ROBO2: variants seen among roughly 807,000 people sequenced by gnomAD.
The protein encoded by ROBO2 is roundabout guidance receptor 2.
ROBO2 carries 53 observed loss-of-function variants against 160.8 expected under a neutral mutation model. That is an observed-to-expected ratio of 0.33 (90% CI 0.26 to 0.41). The LOEUF (loss-of-function observed/expected upper bound fraction) is 0.41, where lower values mean the gene tolerates loss of function less well. Ranked by LOEUF, ROBO2 falls within the 10% of genes least tolerant of loss-of-function variation. ROBO2 has a pLI of 1.00. For synonymous variants in ROBO2, 664 were observed against 611.7 expected (o/e 1.09, Z -1.26); for missense variants, 1,577 against 1,722.4 (o/e 0.92, Z 1.49).
intron 2 of ROBO2, among the ~76,000 whole-genome samples, chr3:77,258,128 A>G (rs1286585929): frequency 6.6e-6 from 1 of 152,246 alleles, no homozygotes; most frequent in Non-Finnish European, 1.5e-5. Context: ...TAAAGTGTCA[A>G]CGTGTCAGAG....
intron 2 of ROBO2, among the ~76,000 whole-genome samples, chr3:77,294,268 G>T (rs758199977): frequency 2.3e-5 from 3 of 132,498 alleles, no homozygotes; most frequent in Non-Finnish European, 4.9e-5. Flanking sequence ...TAAACGGGAA[G>T]TTGAGGCTAG....
chr3:76,064,455 A>G (rs1257744044), intron 2 of ROBO2, among the ~76,000 whole-genome samples: 1 of 152,118 alleles, frequency 6.6e-6, no homozygotes, highest in Non-Finnish European at 1.5e-5. Context: ...CCTCTGGGCC[A>G]AGCTACTAGG....
At chr3:75,996,271 A>G (rs1294703043) in intron 2 of ROBO2, among the ~76,000 whole-genome samples, 1 of 152,164 alleles carries the variant, frequency 6.6e-6, no homozygotes, top group East Asian at 1.9e-4. Context: ...AGGCAATTGA[A>G]TCATGTGGGA....
At chr3:77,276,159 T>G (rs2059809364) in intron 2 of ROBO2, among the ~76,000 whole-genome samples, 1 of 151,968 alleles carries the variant, frequency 6.6e-6, no homozygotes, top group Admixed American at 6.6e-5. Context: ...ATTGTATCCA[T>G]GCTTTCCTTT....
intron 2 of ROBO2, among the ~76,000 whole-genome samples, chr3:76,762,625 C>T (rs2061370629): frequency 6.6e-6 from 1 of 151,604 alleles, no homozygotes; most frequent in Non-Finnish European, 1.5e-5. Flanking sequence ...AACATTTTCT[C>T]AGTGTTTAAT....
In ROBO2 at chr3:76,000,562, C is replaced by T. The variant is rs1394891836; in HGVS notation, c.109+62960C>T. On this transcript the variant is annotated intron_variant, in intron 2 of 26. Coordinates refer to the ROBO2 transcript ENST00000487694. ...GGAGTGAAGTGGTGTGATCTCGGCT[C>T]ACTGCAAGCTCCGCCTCCCGGGTTC... is the stretch of plus-strand genomic sequence containing the variant. Among the ~76,000 whole-genome samples the T allele has an allele frequency of 2.1e-5, 3 of 146,256 alleles. No homozygotes were observed. In the Admixed American group the frequency reaches 2.1e-4, roughly 10 times the overall value.
chr3:77,477,707 G>T (rs1374393046), intron 3 of ROBO2, 136 bp downstream of exon 3: 2 of 942,458 alleles, frequency 2.1e-6, no homozygotes, highest in African/African-American at 3.3e-5. Flanking sequence ...GCCTTGAAAA[G>T]ATTTAAAAAC....
chr3:76,869,913 C>T (rs1335121164), intron 2 of ROBO2, among the ~76,000 whole-genome samples: 1 of 152,110 alleles, frequency 6.6e-6, no homozygotes, highest in Non-Finnish European at 1.5e-5. Flanking sequence ...CATCCTCCCA[C>T]TCAGACTTCA....
intron 2 of ROBO2, among the ~76,000 whole-genome samples, chr3:76,015,082 G>T (rs1050771038): frequency 3.3e-5 from 5 of 151,984 alleles, no homozygotes; most frequent in Non-Finnish European, 7.4e-5. Context: ...CCAGTCTTCG[G>T]CTCCTTTTCC....
chr3:76,776,110 C>A (rs2062234718), intron 2 of ROBO2, among the ~76,000 whole-genome samples: 1 of 150,848 alleles, frequency 6.6e-6, no homozygotes, highest in Admixed American at 6.6e-5. Flanking sequence ...TATGCCTTGA[C>A]AGAACATACA....
chr3:76,938,412 C>T (rs2077892047), intron 2 of ROBO2, among the ~76,000 whole-genome samples: 1 of 151,200 alleles, frequency 6.6e-6, no homozygotes, highest in South Asian at 2.1e-4. Context: ...GTCTTTACTC[C>T]TACACTGGCC....
chr3:76,254,450 C>T (rs1025089306), intron 2 of ROBO2, among the ~76,000 whole-genome samples: 2 of 152,038 alleles, frequency 1.3e-5, no homozygotes, highest in Admixed American at 6.6e-5. Flanking sequence ...ATTTTTCCAG[C>T]GTGTAAATGC....
chr3:76,807,301 A>G (rs2064806826), intron 2 of ROBO2, among the ~76,000 whole-genome samples: 1 of 152,060 alleles, frequency 6.6e-6, no homozygotes, highest in South Asian at 2.1e-4. Context: ...GGACCCTGTA[A>G]CAAATTAGTT....
chr3:76,014,678 C>T (rs185170229), intron 2 of ROBO2, among the ~76,000 whole-genome samples: 188 of 152,208 alleles, frequency 1.2e-3, no homozygotes, highest in African/African-American at 3.0e-3. Context: ...ATGTAATCCC[C>T]GCACTTTGGG....
intron 2 of ROBO2, among the ~76,000 whole-genome samples, chr3:77,219,496 T>TAC: frequency 7.1e-6 from 1 of 140,912 alleles, no homozygotes; most frequent in East Asian, 2.0e-4. Context: ...TCTGTATATA[T>TAC]ATATATATAT....
At chr3:77,404,409 C>A (rs2076090964) in intron 2 of ROBO2, among the ~76,000 whole-genome samples, 1 of 152,066 alleles carries the variant, frequency 6.6e-6, no homozygotes, top group African/African-American at 2.4e-5. Flanking sequence ...TTTTAAGAGC[C>A]TACAGATGTC....
At chr3:77,327,888 T>C (rs950510195) in intron 2 of ROBO2, among the ~76,000 whole-genome samples, 1 of 151,382 alleles carries the variant, frequency 6.6e-6, no homozygotes, top group Non-Finnish European at 1.5e-5. Context: ...CCGTCTCTAC[T>C]AAAAATACAA....
chr3:76,658,066 GAATAAATAAATAAATAAATAAATA>G (rs199659732), intron 2 of ROBO2, among the ~76,000 whole-genome samples: 18 of 131,696 alleles, frequency 1.4e-4, no homozygotes, highest in Non-Finnish European at 2.4e-4. Context: ...GATCCTGTCT[GAATAAATAAATAAATAAATAAATA>G]AATAAATAAA....
chr3:77,472,827 A>C (rs2083492999), intron 2 of ROBO2, among the ~76,000 whole-genome samples: 1 of 152,218 alleles, frequency 6.6e-6, no homozygotes, highest in African/African-American at 2.4e-5. Flanking sequence ...AAGATGAAAG[A>C]TAAATATTGG....
Sources: gnomAD v4.1 joint callset for allele counts (sites outside exome capture counted in the v4.1 genomes callset) on GRCh38, gnomAD v4.1.1 for gene constraint, MANE v1.5 for transcripts, NCBI Gene and HGNC (gene_info 2026-07-23, HGNC 2026-07-21) for gene names.